LRP6: variants seen among roughly 807,000 people sequenced by gnomAD.
The protein encoded by LRP6 is LDL receptor related protein 6.
A neutral mutation model predicts 184.1 loss-of-function variants in LRP6; 43 were observed. The ratio of observed to expected loss-of-function variants is 0.23; its 90% CI spans 0.18 to 0.30. LRP6 has a LOEUF of 0.30. LRP6 is among the 10% of genes least tolerant of loss of function. The probability of loss-of-function intolerance (pLI) is 1.00; values close to 1 mark genes in which losing one functional copy is unlikely to be tolerated. For missense variants in LRP6, 1,571 were observed against 2,005.3 expected, an observed-to-expected ratio of 0.78 and a Z score of 4.14; for synonymous variants, 719 against 684.9, an observed-to-expected ratio of 1.05 and a Z score of -0.78.
At position 12,179,885 on chromosome 12, in the gene LRP6, A is replaced by G. The variant is rs754247546; in HGVS notation, c.1470T>C (p.Gly490=). 9 of 1,613,990 alleles carry G rather than the reference A, an allele frequency of 5.6e-6. No individual in the cohort carries two copies. Among genetic ancestry groups the G allele is most frequent in the South Asian group, 4.4e-5 (4 of 91,074 alleles). Residue 490 remains glycine, a synonymous_variant, in exon 7 of 23, where the codon GGT becomes GGC. Transcript: ENST00000261349. Reference sequence around the variant, plus strand: ...AATCCAAGGCTAAACCATTTGGCCAACCAAGAGAAGTGTTAACCAATACTA... The same window carrying G: ...AATCCAAGGCTAAACCATTTGGCCAGCCAAGAGAAGTGTTAACCAATACTA... ...DRVVLVNTSL[G]WPNGLALDYD... is the part of the protein sequence containing the mutation.
rs187112061 is a variant in LRP6, at chr12:12,215,881, G to A, written c.450-12481C>T. Among the ~76,000 whole-genome samples the A allele has an allele frequency of 1.3e-4, 19 of 151,744 alleles. No individual in the cohort carries two copies. In the East Asian group the frequency reaches 1.8e-3, roughly 14 times the overall value. On this transcript the variant is annotated intron_variant, in intron 2 of 22. Coordinates refer to ENST00000261349, the MANE Select transcript of LRP6 (RefSeq NM_002336.3). ...ACAAAAATTAGCCAGGCATGGTGGC[G>A]AGCACCTGTAATCCCAGCTACTTGG... is the stretch of plus-strand genomic sequence containing the variant.
chr12:12,254,582 G>A (rs1391807357), intron 1 of LRP6, among the ~76,000 whole-genome samples: 2 of 152,058 alleles, frequency 1.3e-5, no homozygotes, highest in African/African-American at 2.4e-5. Flanking sequence ...TATTTTCATG[G>A]CAATATAGTT....
intron 3 of LRP6, among the ~76,000 whole-genome samples, chr12:12,189,151 T>C (rs1157443081): frequency 6.6e-6 from 1 of 152,232 alleles, no homozygotes; most frequent in Non-Finnish European, 1.5e-5. Context: ...TTTTATATAT[T>C]AATTGAATGC....
intron 1 of LRP6, among the ~76,000 whole-genome samples, chr12:12,247,479 T>C (rs570195431): frequency 6.6e-6 from 1 of 152,286 alleles, no homozygotes; most frequent in African/African-American, 2.4e-5. Flanking sequence ...CTCTTCTCCC[T>C]CCTGAAAACG....
chr12:12,140,197 A>T (rs1290314072), intron 15 of LRP6, among the ~76,000 whole-genome samples: 11 of 146,730 alleles, frequency 7.5e-5, no homozygotes, highest in Admixed American at 3.4e-4. Context: ...AATACCAATT[A>T]AAAAAAAAAC....
At position 12,181,237 on chromosome 12, in the gene LRP6, G is replaced by A; in HGVS notation, c.1179C>T (p.Gly393=). The change falls in exon 6 of 23, where the codon GGC becomes GGT. Residue 393 remains glycine (G), a synonymous_variant. Transcript: ENST00000261349. Reference sequence around the variant, plus strand: ...TTTGAGCAGTGACCACAAACTGACTGCCAGATCCATCTATAAATGAACGGC... The same window carrying A: ...TTTGAGCAGTGACCACAAACTGACTACCAGATCCATCTATAAATGAACGGC... The part of the protein sequence containing the change: ...AIRRSFIDGS[G]SQFVVTAQIA... 1 of 1,614,112 alleles carries A rather than the reference G, an allele frequency of 6.2e-7. No individual in the cohort carries two copies. The highest frequency in any genetic ancestry group is 8.5e-7 in the Non-Finnish European group (1 of 1,179,962).
intron 1 of LRP6, among the ~76,000 whole-genome samples, chr12:12,247,211 T>C (rs1460489177): frequency 6.6e-6 from 1 of 152,196 alleles, no homozygotes; most frequent in Non-Finnish European, 1.5e-5. Flanking sequence ...TGCTAAGTGC[T>C]GCATAAGGCT....
chr12:12,239,563 T>C (rs1159360385), intron 2 of LRP6, among the ~76,000 whole-genome samples: 1 of 152,164 alleles, frequency 6.6e-6, no homozygotes, highest in Admixed American at 6.5e-5. Flanking sequence ...ATCTTAAAGA[T>C]TCATTGTAAT....
intron 15 of LRP6, 191 bp from the exon 16 acceptor site, chr12:12,138,725 G>A: frequency 7.2e-7 from 1 of 1,388,154 alleles, no homozygotes; most frequent in Non-Finnish European, 9.8e-7. Context: ...ATATTAATAT[G>A]CAATCAAGAG....
At chr12:12,207,513 G>A (rs897714711) in intron 2 of LRP6, among the ~76,000 whole-genome samples, 8 of 151,766 alleles carry the variant, frequency 5.3e-5, no homozygotes, top group Admixed American at 2.0e-4. Flanking sequence ...TTGAGATTCC[G>A]TCAAAAAAAT....
At chr12:12,139,540 A>G (rs1399259295) in intron 15 of LRP6, among the ~76,000 whole-genome samples, 1 of 152,152 alleles carries the variant, frequency 6.6e-6, no homozygotes, top group Non-Finnish European at 1.5e-5. Flanking sequence ...CCTGGGCAAC[A>G]TGGCAAAATG....
intron 10 of LRP6, among the ~76,000 whole-genome samples, chr12:12,161,228 T>C (rs1229577557): frequency 6.6e-6 from 1 of 152,176 alleles, no homozygotes; most frequent in Non-Finnish European, 1.5e-5. Flanking sequence ...TTATTTTAAG[T>C]AGCAAATACA....
chr12:12,133,232 C>T (rs1949781735), intron 17 of LRP6, among the ~76,000 whole-genome samples: 2 of 152,048 alleles, frequency 1.3e-5, no homozygotes, highest in African/African-American at 4.8e-5. Flanking sequence ...TCATGCAAAC[C>T]GTGTGATATA....
At chr12:12,138,627 G>C in intron 15 of LRP6, 93 bp from the exon 16 acceptor site, 1 of 1,290,564 alleles carries the variant, frequency 7.7e-7, no homozygotes, top group South Asian at 1.3e-5. Context: ...GATTCTACAG[G>C]TAGAGAAAAG....
intron 3 of LRP6, among the ~76,000 whole-genome samples, chr12:12,190,655 C>T (rs1863590530): frequency 6.6e-6 from 1 of 152,160 alleles, no homozygotes; most frequent in South Asian, 2.1e-4. Context: ...GTTTTTGTTT[C>T]TGGACCTCCT....
intron 7 of LRP6, among the ~76,000 whole-genome samples, chr12:12,172,883 G>A (rs942847956): frequency 4.6e-5 from 7 of 152,174 alleles, no homozygotes; most frequent in African/African-American, 1.7e-4. Flanking sequence ...TGAGAGAGAG[G>A]TAGGGGCAAT....
chr12:12,164,167 C>A, intron 9 of LRP6, 106 bp downstream of exon 9: 1 of 987,588 alleles, frequency 1.0e-6, no homozygotes, highest in Non-Finnish European at 1.5e-6. Context: ...TTGTTGAACT[C>A]TGCCTGTCAA....
At chr12:12,244,999 A>G (rs2135918756) in intron 1 of LRP6, among the ~76,000 whole-genome samples, 1 of 152,364 alleles carries the variant, frequency 6.6e-6, no homozygotes, top group East Asian at 1.9e-4. Context: ...TGGTACAGCC[A>G]CTTGGGAAAA....
intron 19 of LRP6, among the ~76,000 whole-genome samples, chr12:12,128,976 C>T (rs773153969): frequency 7.9e-5 from 12 of 152,280 alleles, no homozygotes; most frequent in Admixed American, 2.0e-4. Context: ...AAACTCTAAT[C>T]GCTTCCTTTT....
Sources: gnomAD v4.1 joint callset for allele counts (sites outside exome capture counted in the v4.1 genomes callset) on GRCh38, gnomAD v4.1.1 for gene constraint, MANE v1.5 for transcripts, NCBI Gene and HGNC (gene_info 2026-07-23, HGNC 2026-07-21) for gene names.